The following RALGPS1 variants were observed in gnomAD, a reference collection of about 807,000 sequenced individuals.
The protein encoded by RALGPS1 is ras-specific guanine nucleotide-releasing factor RalGPS1.
Under a neutral mutation model 78.8 loss-of-function variants are expected in RALGPS1, and 19 were observed. The observed-to-expected ratio is 0.24, with a 90% CI of 0.17 to 0.35. RALGPS1 has a LOEUF of 0.35. Among genes scored for constraint, RALGPS1 ranks in the 10% least tolerant of loss-of-function variants. RALGPS1 has a pLI of 1.00. For synonymous variants in RALGPS1, 228 were observed against 256.3 expected (o/e 0.89, Z 1.06); for missense variants, 454 against 688.3 (o/e 0.66, Z 3.81).
chr9:127,088,879 C>T (rs1446428648), intron 8 of RALGPS1: 1 of 1,596,984 alleles, frequency 6.3e-7, no homozygotes, highest in Non-Finnish European at 8.6e-7. Flanking sequence ...TGTGCTGTGG[C>T]CAGCGTGACC....
At chr9:127,195,984 C>T (rs1319956340) in intron 12 of RALGPS1, among the ~76,000 whole-genome samples, 1 of 152,232 alleles carries the variant, frequency 6.6e-6, no homozygotes, top group East Asian at 1.9e-4. Context: ...GCCTGTCAAG[C>T]ATGATCTCCC....
chr9:127,151,559 G>C (rs1028063659), intron 8 of RALGPS1, among the ~76,000 whole-genome samples: 17 of 152,206 alleles, frequency 1.1e-4, no homozygotes, highest in African/African-American at 4.1e-4. Flanking sequence ...AATTACAGCG[G>C]AGGGGAAAGG....
chr9:127,122,058 A>G lies in RALGPS1; in HGVS notation c.611-44011A>G, dbSNP rs1206901415. On this transcript the variant is annotated intron_variant, in intron 8 of 18. Transcript: ENST00000259351. The surrounding 1 kb of genome is among the most constrained non-coding windows in gnomAD (Gnocchi z 6.4). ...CCGGCACCCCAAAGGCTCTTTGTCC[A>G]AAAGAGGAGAGTGAGGCTTACTCAT... 6.6e-6 allele frequency among the ~76,000 whole-genome samples: 1 copy of G among 152,142 alleles called. No homozygotes were observed. Among genetic ancestry groups the G allele is most frequent in the Non-Finnish European group, 1.5e-5 (1 of 68,012 alleles).
Position 127,031,697 on chromosome 9 carries a change from T to C in RALGPS1, c.217-2734T>C, listed in dbSNP as rs554570887. Among the ~76,000 whole-genome samples, 32 of 152,356 alleles carry C rather than the reference T, an allele frequency of 2.1e-4. No homozygotes were observed. In the East Asian group the frequency reaches 5.8e-3, roughly 28 times the overall value. On this transcript the variant is annotated intron_variant, in intron 4 of 18. Coordinates refer to ENST00000259351, the MANE Select transcript of RALGPS1 (RefSeq NM_014636.3). Reference sequence around the variant, plus strand: ...GTGTGGGATTCAGAGCAAGATATTTTGGCTCAAAATCCTTTGCTCCTTCCA... The same window carrying C: ...GTGTGGGATTCAGAGCAAGATATTTCGGCTCAAAATCCTTTGCTCCTTCCA...
chr9:127,091,329 CCA>C lies in RALGPS1; in HGVS notation c.610+21974_610+21975del, dbSNP rs1228726947. Among the ~76,000 whole-genome samples, 1 of 152,248 alleles carries C rather than the reference CCA, an allele frequency of 6.6e-6. No individual in the cohort carries two copies. Among genetic ancestry groups the C allele is most frequent in the Non-Finnish European group, 1.5e-5 (1 of 68,040 alleles). ...GCCTACGCAGTTGGTTAGCTCTATA[CCA>C]GGTGCCTGGGACAGAAGTGGTGAGG... On this transcript the variant is annotated intron_variant, in intron 8 of 18. Transcript: ENST00000259351. The surrounding 1 kb of genome is among the most constrained non-coding windows in gnomAD (Gnocchi z 4.3).
chr9:127,213,041 C>A lies in RALGPS1; in HGVS notation c.1544C>A (p.Pro515His). 1.2e-6 allele frequency: 2 copies of A among 1,614,246 alleles called. No homozygotes were observed. Among genetic ancestry groups the A allele is most frequent in the Non-Finnish European group, 8.5e-7 (1 of 1,180,028 alleles). ...EHPDIFQLNN[P>H]DKGNVYKFQT... ...CCAGATATCTTCCAGCTGAACAACC[C>A]TGACAAAGGTAGGCAGCAGGCCAGA... Residue 515 changes from proline to histidine, a missense_variant, in exon 17 of 19, where the codon CCT becomes CAT. By Grantham distance (77) the Pro-to-His change is moderately conservative. Coordinates refer to ENST00000259351, the MANE Select transcript of RALGPS1 (RefSeq NM_014636.3).
chr9:126,958,126 T>TAAAAAAAAAAAAA (rs11290290), intron 1 of RALGPS1, among the ~76,000 whole-genome samples: 66 of 77,510 alleles, frequency 8.5e-4, no homozygotes, highest in East Asian at 3.0e-3. Context: ...GCTGTCTCTT[T>TAAAAAAAAAAAAA]AAAAAAAAAA....
At chr9:127,015,793 C>T (rs957731848) in intron 4 of RALGPS1, among the ~76,000 whole-genome samples, 1 of 152,032 alleles carries the variant, frequency 6.6e-6, no homozygotes, top group Admixed American at 6.6e-5. Flanking sequence ...CCCTCTTCTC[C>T]CAAGTTCTTC....
Position 127,218,073 on chromosome 9 carries a change from A to T in RALGPS1, c.1645-667A>T, listed in dbSNP as rs889291636. On this transcript the variant is annotated intron_variant, in intron 18 of 18. Transcript: ENST00000259351. This position sits in a 1 kb window ranked among gnomAD's most constrained non-coding sequence, Gnocchi z 4.4. The stretch of plus-strand genomic sequence containing the variant: ...AACTGACACCAAAATGGATTTTTTT[A>T]AATGAAATTATTTCTAATCAAATCC... Among the ~76,000 whole-genome samples the T allele has an allele frequency of 1.4e-4, 22 of 152,270 alleles. No homozygotes were observed. The East Asian group carries it at 2.3e-3, about 16-fold the overall frequency.
At position 127,218,269 on chromosome 9, in the gene RALGPS1, AACTG is replaced by A. The variant is rs2062678736; in HGVS notation, c.1645-467_1645-464del. Among the ~76,000 whole-genome samples the A allele has an allele frequency of 1.3e-5, 2 of 152,106 alleles. No homozygotes were observed. The highest frequency in any genetic ancestry group is 1.3e-4 in the Admixed American group (2 of 15,270). ...GGTCTTGGGGTTTCTGATATCCCTG[AACTG>A]ACTCTTTCTCCCATGCTTCCCTTTG... On this transcript the variant is annotated intron_variant, in intron 18 of 18. Transcript: ENST00000259351. This position sits in a 1 kb window ranked among gnomAD's most constrained non-coding sequence, Gnocchi z 4.4.
chr9:127,181,831 T>C (rs961121636), intron 11 of RALGPS1, among the ~76,000 whole-genome samples: 14 of 150,846 alleles, frequency 9.3e-5, no homozygotes, highest in African/African-American at 3.4e-4. Context: ...AGGCAAGGAG[T>C]TGGCCAGAGG....
At chr9:127,002,003 A>G (rs1240497503) in intron 4 of RALGPS1, among the ~76,000 whole-genome samples, 5 of 152,236 alleles carry the variant, frequency 3.3e-5, no homozygotes, top group Non-Finnish European at 7.3e-5. Flanking sequence ...AATGCATATA[A>G]TCAGGTACAC....
At chr9:127,011,572 A>G (rs2044349865) in intron 4 of RALGPS1, among the ~76,000 whole-genome samples, 1 of 152,178 alleles carries the variant, frequency 6.6e-6, no homozygotes, top group Admixed American at 6.5e-5. Flanking sequence ...GAAAAAGTGC[A>G]TTTTAAAAGC....
At chr9:126,933,209 A>C (rs557944467) in intron 1 of RALGPS1, among the ~76,000 whole-genome samples, 30 of 152,200 alleles carry the variant, frequency 2.0e-4, no homozygotes, top group African/African-American at 6.7e-4. Context: ...GAGGAGAAAG[A>C]GGGACGGGGC....
chr9:127,029,662 A>G (rs1175412869), intron 4 of RALGPS1, among the ~76,000 whole-genome samples: 1 of 152,218 alleles, frequency 6.6e-6, no homozygotes, highest in East Asian at 1.9e-4. Flanking sequence ...AGAGTTAGGC[A>G]CACGTGGAAG....
Position 127,223,038 on chromosome 9 carries a change from T to C in RALGPS1, c.*4269T>C, listed in dbSNP as rs2062815500. 1 of 152,682 alleles carries C rather than the reference T, an allele frequency of 6.5e-6. No individual in the cohort carries two copies. Among genetic ancestry groups the C allele is most frequent in the African/African-American group, 2.4e-5 (1 of 41,468 alleles). 9.5% of individuals were successfully genotyped at this position (152,682 alleles called of 1,614,324 possible). ...TTCGATTTTTGGTGAAGTATTTTGT[T>C]ACCTCAGTCTTGTATCAAGTTGCTG... On this transcript the variant is annotated 3_prime_UTR_variant, in exon 19 of 19. Transcript: ENST00000259351.
At chr9:127,191,700 G>GTTT (rs11375987) in intron 11 of RALGPS1, among the ~76,000 whole-genome samples, 43 of 125,518 alleles carry the variant, frequency 3.4e-4, no homozygotes, top group East Asian at 9.3e-4. Context: ...GTTTTTTTTT[G>GTTT]TTTTTTTTTT....
At chr9:126,990,027 C>T (rs1457738846) in intron 4 of RALGPS1, 1 of 1,548,768 alleles carries the variant, frequency 6.5e-7, no homozygotes, top group Non-Finnish European at 8.7e-7. Flanking sequence ...TGTCTGGATG[C>T]CGTTTGCCTG....
chr9:127,212,201 A>G lies in RALGPS1; in HGVS notation c.1318A>G (p.Arg440Gly). 1 of 1,613,930 alleles carries G rather than the reference A, an allele frequency of 6.2e-7. No homozygotes were observed. Among genetic ancestry groups the G allele is most frequent in the Non-Finnish European group, 8.5e-7 (1 of 1,179,932 alleles). ...AVPTMEGPLR[R>G]KTLLKEGRKP... ...GCCCACCATGGAGGGGCCTCTGAGA[A>G]GAAAAACCCTGCTCAAGGAAGGGCG... Residue 440 changes from arginine (R) to glycine (G), a missense_variant, in exon 15 of 19, where the codon AGA becomes GGA. By Grantham distance (125) the Arg-to-Gly change is moderately radical. Coordinates refer to ENST00000259351, the MANE Select transcript of RALGPS1 (RefSeq NM_014636.3). This position sits in a 1 kb window ranked among gnomAD's most constrained non-coding sequence, Gnocchi z 6.0.
Sources: allele counts gnomAD v4.1 joint callset (sites outside exome capture counted in the v4.1 genomes callset), GRCh38; gene constraint gnomAD v4.1.1; non-coding constraint Gnocchi (gnomAD v3.1); transcripts MANE v1.5; gene names NCBI Gene and HGNC (gene_info 2026-07-23, HGNC 2026-07-21).